SPAST: variants seen among roughly 807,000 people sequenced by gnomAD.
SPAST encodes the protein spastic paraplegia 4 (autosomal dominant; spastin).
In SPAST, 30 loss-of-function variants were observed where a neutral mutation model predicts 76.6. That is an observed-to-expected ratio of 0.39 (90% CI 0.29 to 0.53). The LOEUF is 0.53. Among genes scored for constraint, SPAST ranks in the 20% least tolerant of loss-of-function variants. The pLI is 0.68. For synonymous variants in SPAST, 305 were observed against 281.0 expected, an observed-to-expected ratio of 1.09 and a Z score of -0.86; for missense variants, 717 against 770.5, an observed-to-expected ratio of 0.93 and a Z score of 0.82.
intron 1 of SPAST, chr2:32,066,007 T>C (rs1417898263): frequency 6.7e-6 from 1 of 149,418 alleles, no homozygotes; most frequent in Non-Finnish European, 1.5e-5. Context: ...GGAGTCTCCC[T>C]GTGTCACCCA....
chr2:32,115,655 G>A (rs76399353), intron 5 of SPAST, 47 bp from the exon 6 acceptor site: 34,360 of 1,419,760 alleles, frequency 0.024, 534 homozygotes, highest in Middle Eastern at 0.046. Flanking sequence ...TATGAAAAGT[G>A]TAAATGTTAG....
At chr2:32,069,651 C>T (rs796688533) in intron 1 of SPAST, among the ~76,000 whole-genome samples, 100 of 151,550 alleles carry the variant, frequency 6.6e-4, no homozygotes, top group African/African-American at 2.2e-3. Context: ...CCGCCTCCCA[C>T]GTTCACGCCA....
chr2:32,145,577 C>T (rs941273307), intron 15 of SPAST, among the ~76,000 whole-genome samples: 3 of 152,206 alleles, frequency 2.0e-5, no homozygotes, highest in African/African-American at 7.2e-5. Flanking sequence ...TTTTCTGGCT[C>T]TTTTCAGTAT....
intron 1 of SPAST, 31 bp from the exon 2 acceptor site, chr2:32,087,461 C>T (rs79533492): frequency 1.6e-5 from 22 of 1,343,488 alleles, no homozygotes; most frequent in Middle Eastern, 3.7e-4. Context: ...ACTCTTCATA[C>T]GATCTATACA....
At chr2:32,107,704 T>C (rs534405438) in intron 4 of SPAST, among the ~76,000 whole-genome samples, 1 of 152,318 alleles carries the variant, frequency 6.6e-6, no homozygotes, top group Admixed American at 6.5e-5. Flanking sequence ...TAAGCAGTTC[T>C]GGTCCCAAGC....
intron 9 of SPAST, among the ~76,000 whole-genome samples, chr2:32,136,090 G>GA (rs796744941): frequency 5.4e-4 from 75 of 138,060 alleles, no homozygotes; most frequent in Admixed American, 1.0e-3. Flanking sequence ...AAAAAAAAAG[G>GA]AAAAAAAAAA....
At chr2:32,069,339 CT>C (rs1207939569) in intron 1 of SPAST, among the ~76,000 whole-genome samples, 4 of 151,906 alleles carry the variant, frequency 2.6e-5, no homozygotes, top group Non-Finnish European at 5.9e-5. Flanking sequence ...AGAGAGTGCA[CT>C]TTTGAAGTCT....
chr2:32,144,123 T>C (rs1447461367), intron 14 of SPAST, among the ~76,000 whole-genome samples: 1 of 152,090 alleles, frequency 6.6e-6, no homozygotes, highest in African/African-American at 2.4e-5. Context: ...ATTCAATGAG[T>C]ATGTGAGTAT....
chr2:32,103,407 CA>C (rs1478178445), intron 4 of SPAST, among the ~76,000 whole-genome samples: 16 of 151,964 alleles, frequency 1.1e-4, no homozygotes, highest in Admixed American at 2.6e-4. Context: ...TTGATCTTTT[CA>C]AAAAACCAGC....
At chr2:32,150,434 A>T (rs1016090006) in intron 16 of SPAST, among the ~76,000 whole-genome samples, 57 of 150,234 alleles carry the variant, frequency 3.8e-4, no homozygotes, top group Middle Eastern at 3.4e-3. Context: ...ATTTAATTTA[A>T]TTTATTTTTA....
In SPAST at chr2:32,114,787, G is replaced by A. The variant is rs369908571; in HGVS notation, c.832G>A (p.Val278Met). Reference protein sequence around the residue: ...SYSGLSMVSGVKQGSGPAPTT... With the variant: ...SYSGLSMVSGMKQGSGPAPTT... ...CAGTGGTTTATCCATGGTTTCTGGA[G>A]TGAAACAGGGATCTGGTCCTGCTCC... The change falls in exon 5 of 17, where the codon GTG (valine) becomes ATG (methionine). Residue 278 changes from valine to methionine, a missense_variant. Val to Met is a conservative substitution (Grantham distance 21). This residue lies in a region of SPAST where 543 missense variants were observed against 445.2 expected (regional missense o/e 1.22). Coordinates refer to ENST00000315285, the MANE Select transcript of SPAST (RefSeq NM_014946.4). The A allele has an allele frequency of 8.4e-5, 135 of 1,613,968 alleles. No homozygotes were observed. Among genetic ancestry groups the A allele is most frequent in the Non-Finnish European group, 1.1e-4 (129 of 1,179,998 alleles).
intron 4 of SPAST, among the ~76,000 whole-genome samples, chr2:32,100,520 T>C (rs1419870170): frequency 6.6e-6 from 1 of 152,136 alleles, no homozygotes; most frequent in African/African-American, 2.4e-5. Flanking sequence ...TGCAGGTTTG[T>C]TACATATGTA....
At chr2:32,081,781 C>CAAAAAAAAAA (rs34078147) in intron 1 of SPAST, among the ~76,000 whole-genome samples, 2,528 of 44,296 alleles carry the variant, frequency 0.057, 251 homozygotes, top group East Asian at 0.081. Context: ...GAGACACTGT[C>CAAAAAAAAAA]AAAAAAAAAA....
intron 1 of SPAST, among the ~76,000 whole-genome samples, chr2:32,071,174 A>G (rs191642582): frequency 1.5e-3 from 233 of 152,306 alleles, no homozygotes; most frequent in African/African-American, 5.5e-3. Flanking sequence ...GAGGTTCTCT[A>G]GGTGACGTTT....
intron 3 of SPAST, among the ~76,000 whole-genome samples, chr2:32,093,018 A>AG (rs1677782195): frequency 7.0e-6 from 1 of 143,476 alleles, no homozygotes; most frequent in African/African-American, 2.6e-5. Flanking sequence ...AAAAAAAAAA[A>AG]ACGCCGGGCA....
At chr2:32,091,250 A>G (rs1446469693) in intron 3 of SPAST, among the ~76,000 whole-genome samples, 1 of 5,946 alleles carries the variant, frequency 1.7e-4, no homozygotes, top group Admixed American at 2.2e-3. Flanking sequence ...TGAAGCTATT[A>G]TTATTATTAT....
chr2:32,097,698 C>CTTTTTT (rs11442450), intron 3 of SPAST, among the ~76,000 whole-genome samples: 3 of 130,508 alleles, frequency 2.3e-5, no homozygotes, highest in Non-Finnish European at 3.2e-5. Context: ...TTTTTCTTTT[C>CTTTTTT]TTTTTTTTTT....
At chr2:32,111,936 CAT>C (rs1259594225) in intron 4 of SPAST, among the ~76,000 whole-genome samples, 1 of 147,882 alleles carries the variant, frequency 6.8e-6, no homozygotes, top group African/African-American at 2.5e-5. Context: ...AATATATATA[CAT>C]ATTTTTATTT....
intron 4 of SPAST, among the ~76,000 whole-genome samples, chr2:32,111,970 T>TTAGTAGTAGTAG (rs55815291): frequency 0.018 from 2,571 of 141,264 alleles, 30 homozygotes; most frequent in Middle Eastern, 0.04. Context: ...TATAATTAAG[T>TTAGTAGTAGTAG]TAGTAGTAGT....
Sources: gnomAD v4.1 joint callset for allele counts (sites outside exome capture counted in the v4.1 genomes callset) on GRCh38, gnomAD v4.1.1 for gene constraint, gnomAD v4.1.1 regional missense constraint, MANE v1.5 for transcripts, NCBI Gene and HGNC (gene_info 2026-07-23, HGNC 2026-07-21) for gene names.